CATSPERT: variants seen among roughly 807,000 people sequenced by gnomAD.
The protein encoded by CATSPERT is cation channel sperm-associated targeting subunit tau.
chr2:201,570,629 G>A, the CATSPERT span, among the ~76,000 whole-genome samples: 40,421 of 151,926 alleles, frequency 0.27, 5,987 homozygotes, highest in East Asian at 0.52. Context: ...TATAGGATGT[G>A]AGCCCATGCA....
chr2:201,559,682 C>T, the CATSPERT span, among the ~76,000 whole-genome samples: 3 of 152,104 alleles, frequency 2.0e-5, no homozygotes, highest in East Asian at 1.9e-4. Context: ...AGATTATAGC[C>T]GAAAAAACTA....
the CATSPERT span, chr2:201,582,035 C>A: frequency 6.4e-7 from 1 of 1,564,000 alleles, no homozygotes; most frequent in Non-Finnish European, 8.6e-7. Flanking sequence ...TAAATCACAA[C>A]AAACTGGACA....
At chr2:201,605,045 A>AAT in the CATSPERT span, among the ~76,000 whole-genome samples, 3 of 132,184 alleles carry the variant, frequency 2.3e-5, no homozygotes, top group South Asian at 2.6e-4. Flanking sequence ...TACTCAATCA[A>AAT]ATATATATAT....
the CATSPERT span, among the ~76,000 whole-genome samples, chr2:201,577,934 T>C: frequency 4.8e-4 from 73 of 152,310 alleles, no homozygotes; most frequent in African/African-American, 1.7e-3. Context: ...ATTGAATCTT[T>C]TTCAGTGTAT....
the CATSPERT span, chr2:201,491,683 C>T: frequency 6.5e-7 from 1 of 1,537,050 alleles, no homozygotes; most frequent in Non-Finnish European, 8.7e-7. Context: ...ATTAGGAATT[C>T]TTGGATACGA....
chr2:201,513,120 A>G, the CATSPERT span, among the ~76,000 whole-genome samples: 3,803 of 151,726 alleles, frequency 0.025, 170 homozygotes, highest in African/African-American at 0.087. Context: ...AAAAAATAAA[A>G]AAAAGAAACT....
the CATSPERT span, among the ~76,000 whole-genome samples, chr2:201,520,543 A>G: frequency 1.3e-5 from 2 of 152,266 alleles, no homozygotes; most frequent in South Asian, 4.1e-4. Flanking sequence ...CATGGAAATT[A>G]AACAACATAT....
chr2:201,491,898 T>G, the CATSPERT span: 2 of 1,536,788 alleles, frequency 1.3e-6, no homozygotes, highest in African/African-American at 2.7e-5. Flanking sequence ...TGAATACATG[T>G]TCTTTCCTTA....
chr2:201,499,574 C>A, the CATSPERT span, among the ~76,000 whole-genome samples: 2 of 152,196 alleles, frequency 1.3e-5, no homozygotes, highest in East Asian at 3.9e-4. Flanking sequence ...TGGCTCACAC[C>A]TGTAATCCCA....
the CATSPERT span, among the ~76,000 whole-genome samples, chr2:201,577,536 G>A: frequency 1.2e-3 from 187 of 152,276 alleles, no homozygotes; most frequent in African/African-American, 4.1e-3. Flanking sequence ...ATACATACAT[G>A]CAATGGAATA....
chr2:201,491,758 T>C, the CATSPERT span: 1 of 1,537,144 alleles, frequency 6.5e-7, no homozygotes, highest in Non-Finnish European at 8.7e-7. Flanking sequence ...CTCCTTTCTA[T>C]CAAGGGACTT....
chr2:201,590,902 G>T, the CATSPERT span, among the ~76,000 whole-genome samples: 4 of 151,698 alleles, frequency 2.6e-5, no homozygotes, highest in African/African-American at 4.8e-5. Flanking sequence ...AGATGAGTAG[G>T]TTGCGAAAAT....
At chr2:201,490,754 C>T in the CATSPERT span, among the ~76,000 whole-genome samples, 1 of 152,182 alleles carries the variant, frequency 6.6e-6, no homozygotes, top group Non-Finnish European at 1.5e-5. Context: ...GACGGGGTCT[C>T]ACTCTGTCAC....
the CATSPERT span, among the ~76,000 whole-genome samples, chr2:201,586,016 G>C: frequency 0.43 from 65,686 of 151,908 alleles, 14,823 homozygotes; most frequent in East Asian, 0.74. Context: ...TTCTTTCTCA[G>C]CCTGCTCAAT....
At chr2:201,593,287 C>T in the CATSPERT span, among the ~76,000 whole-genome samples, 5 of 150,944 alleles carry the variant, frequency 3.3e-5, no homozygotes, top group South Asian at 2.1e-4. Flanking sequence ...TGTAGTTGAG[C>T]GGTTTTGAGT....
chr2:201,488,993 GC>G, the CATSPERT span, among the ~76,000 whole-genome samples: 5 of 152,272 alleles, frequency 3.3e-5, no homozygotes, highest in African/African-American at 1.2e-4. Context: ...TACTGGAGTG[GC>G]AGTGGAAGGG....
the CATSPERT span, among the ~76,000 whole-genome samples, chr2:201,592,259 T>A: frequency 6.6e-6 from 1 of 150,508 alleles, no homozygotes; most frequent in Non-Finnish European, 1.5e-5. Flanking sequence ...TTGTCTTTGG[T>A]TCTGTTTATA....
chr2:201,611,348 A>ACAAC, the CATSPERT span, among the ~76,000 whole-genome samples: 1 of 152,252 alleles, frequency 6.6e-6, no homozygotes. Flanking sequence ...GTGGAAATTA[A>ACAAC]CAACAGGCTT....
At chr2:201,596,145 A>G in the CATSPERT span, among the ~76,000 whole-genome samples, 1 of 152,234 alleles carries the variant, frequency 6.6e-6, no homozygotes, top group Non-Finnish European at 1.5e-5. Context: ...TTGCAGCACC[A>G]TTCACAAGGA....
Sources: allele counts gnomAD v4.1 joint callset (sites outside exome capture counted in the v4.1 genomes callset), GRCh38; gene constraint gnomAD v4.1.1; transcripts MANE v1.5; gene names NCBI Gene and HGNC (gene_info 2026-07-23, HGNC 2026-07-21).